The following DPP6 variants were observed in gnomAD, a reference collection of about 807,000 sequenced individuals.
DPP6 encodes A-type potassium channel modulatory protein DPP6.
A neutral mutation model predicts 122.6 loss-of-function variants in DPP6; 69 were observed. The ratio of observed to expected loss-of-function variants is 0.56; its 90% CI spans 0.46 to 0.69. The LOEUF (loss-of-function observed/expected upper bound fraction) is 0.69, where lower values mean the gene tolerates loss of function less well. DPP6 is among the 30% of genes least tolerant of loss of function. The pLI is 0.00. For synonymous variants in DPP6, 418 were observed against 433.1 expected (o/e 0.97, Z 0.43); for missense variants, 928 against 1,116.9 (o/e 0.83, Z 2.41).
the DPP6 span, among the ~76,000 whole-genome samples, chr7:153,861,462 A>G: frequency 1.3e-5 from 2 of 152,230 alleles, no homozygotes; most frequent in African/African-American, 4.8e-5. Flanking sequence ...TCCAAAAATT[A>G]TACCATCAAA....
intron 1 of DPP6, among the ~76,000 whole-genome samples, chr7:154,004,153 G>T (rs1259018746): frequency 6.6e-6 from 1 of 152,194 alleles, no homozygotes; most frequent in Non-Finnish European, 1.5e-5. Context: ...TATCCTCACT[G>T]TCAATGTTTT....
Position 154,486,237 on chromosome 7 carries a change from G to A in DPP6, c.457+11200G>A, listed in dbSNP as rs1013486218. Among the ~76,000 whole-genome samples, 5 of 151,900 alleles carry A rather than the reference G, an allele frequency of 3.3e-5. No individual in the cohort carries two copies. Among genetic ancestry groups the A allele is most frequent in the Non-Finnish European group, 5.9e-5 (4 of 67,988 alleles). On this transcript the variant is annotated intron_variant, in intron 3 of 25. Transcript: ENST00000377770. The surrounding 1 kb of genome is among the most constrained non-coding windows in gnomAD (Gnocchi z 4.5). Reference sequence around the variant, plus strand: ...CAACCTCCGCCTCCCTGATTCAAGCGATTCTTCCGCTTCAGCCTCCTGAGT... The same window carrying A: ...CAACCTCCGCCTCCCTGATTCAAGCAATTCTTCCGCTTCAGCCTCCTGAGT...
At chr7:154,415,217 A>G (rs1194430260) in intron 1 of DPP6, among the ~76,000 whole-genome samples, 1 of 152,220 alleles carries the variant, frequency 6.6e-6, no homozygotes, top group African/African-American at 2.4e-5. Context: ...ATTCACATGT[A>G]GAAGACTCAT....
At chr7:154,805,006 G>A in intron 15 of DPP6, 42 bp downstream of exon 15, 3 of 1,569,704 alleles carry the variant, frequency 1.9e-6, no homozygotes, top group Non-Finnish European at 2.6e-6. Flanking sequence ...TCCCCCTTAG[G>A]AGGGCATCCA....
At chr7:154,766,180 C>T (rs904736036) in intron 8 of DPP6, among the ~76,000 whole-genome samples, 4 of 152,124 alleles carry the variant, frequency 2.6e-5, no homozygotes, top group Admixed American at 6.5e-5. Flanking sequence ...GGCATTTTGG[C>T]GTGGCACAGG....
At chr7:154,674,690 C>G (rs1380659622) in intron 7 of DPP6, among the ~76,000 whole-genome samples, 1 of 152,180 alleles carries the variant, frequency 6.6e-6, no homozygotes, top group Non-Finnish European at 1.5e-5. Flanking sequence ...ATTGGGAAGT[C>G]TTCAACGCAG....
At chr7:154,739,799 A>G (rs1406038452) in intron 8 of DPP6, among the ~76,000 whole-genome samples, 5 of 152,188 alleles carry the variant, frequency 3.3e-5, no homozygotes, top group Non-Finnish European at 7.4e-5. Flanking sequence ...GCAGTTCCCA[A>G]TGCACAGCCC....
chr7:154,256,310 G>A (rs1177502668), intron 1 of DPP6, among the ~76,000 whole-genome samples: 1 of 152,200 alleles, frequency 6.6e-6, no homozygotes, highest in African/African-American at 2.4e-5. Flanking sequence ...CATTTAGTAA[G>A]TACACCATGC....
chr7:154,175,639 C>T (rs55640652), intron 1 of DPP6, among the ~76,000 whole-genome samples: 4,123 of 151,958 alleles, frequency 0.027, 174 homozygotes, highest in African/African-American at 0.092. Context: ...TTGTTTTGGC[C>T]GCAACAGAGC....
intron 3 of DPP6, among the ~76,000 whole-genome samples, chr7:154,536,495 T>G (rs906802216): frequency 1.3e-5 from 2 of 152,168 alleles, no homozygotes; most frequent in Non-Finnish European, 2.9e-5. Flanking sequence ...GGTGTCCAGT[T>G]TCCTCCAAAT....
At chr7:153,797,074 G>A in the DPP6 span, among the ~76,000 whole-genome samples, 1,302 of 152,264 alleles carry the variant, frequency 8.6e-3, 16 homozygotes, top group African/African-American at 0.029. Flanking sequence ...ACTGCCAAGG[G>A]CCTGGGATCT....
At chr7:154,155,663 G>A (rs985688798) in intron 1 of DPP6, among the ~76,000 whole-genome samples, 24 of 152,190 alleles carry the variant, frequency 1.6e-4, no homozygotes, top group African/African-American at 5.3e-4. Context: ...TTCTGAAAAC[G>A]TAATCATCAT....
intron 1 of DPP6, among the ~76,000 whole-genome samples, chr7:154,291,997 G>A (rs1805242371): frequency 6.6e-6 from 1 of 152,168 alleles, no homozygotes; most frequent in Admixed American, 6.5e-5. Flanking sequence ...TGAGGGGGAC[G>A]TCTGAAAGCA....
At chr7:154,382,062 C>CT (rs1268008114) in intron 1 of DPP6, among the ~76,000 whole-genome samples, 40 of 119,352 alleles carry the variant, frequency 3.4e-4, no homozygotes, top group Admixed American at 2.8e-3. Context: ...AGAAACCCCC[C>CT]TTTTTTTTTC....
At chr7:154,226,511 G>C (rs1259131372) in intron 1 of DPP6, among the ~76,000 whole-genome samples, 1 of 152,176 alleles carries the variant, frequency 6.6e-6, no homozygotes, top group Non-Finnish European at 1.5e-5. Flanking sequence ...TCTTCGGGGG[G>C]CCTTTCTAAT....
At chr7:154,830,340 C>A (rs1313417433) in intron 16 of DPP6, among the ~76,000 whole-genome samples, 4 of 152,164 alleles carry the variant, frequency 2.6e-5, no homozygotes, top group Non-Finnish European at 5.9e-5. Flanking sequence ...CGGGGCCAGG[C>A]CAGGAGGCAG....
chr7:154,557,137 A>G (rs73163097), intron 4 of DPP6, among the ~76,000 whole-genome samples: 25,035 of 152,164 alleles, frequency 0.16, 2,305 homozygotes, highest in Non-Finnish European at 0.21. Flanking sequence ...ACTCATCTGT[A>G]GCACCCATCG....
intron 5 of DPP6, among the ~76,000 whole-genome samples, chr7:154,567,296 A>G (rs1334542613): frequency 6.6e-6 from 1 of 152,196 alleles, no homozygotes; most frequent in Non-Finnish European, 1.5e-5. Context: ...AACTGAAATA[A>G]TATGTTAATT....
At chr7:154,407,881 G>A (rs977351055) in intron 1 of DPP6, among the ~76,000 whole-genome samples, 2 of 152,170 alleles carry the variant, frequency 1.3e-5, no homozygotes, top group African/African-American at 2.4e-5. Flanking sequence ...CATCAGGACT[G>A]CCAGGTTTCT....
Sources: gnomAD v4.1 joint callset for allele counts (sites outside exome capture counted in the v4.1 genomes callset) on GRCh38, gnomAD v4.1.1 for gene constraint, Gnocchi (gnomAD v3.1) non-coding constraint, MANE v1.5 for transcripts, NCBI Gene and HGNC (gene_info 2026-07-23, HGNC 2026-07-21) for gene names.